The following LIMK2 variants were observed in gnomAD, a reference collection of about 807,000 sequenced individuals.
The protein encoded by LIMK2 is LIM domain kinase 2.
A neutral mutation model predicts 75.7 loss-of-function variants in LIMK2; 35 were observed. The ratio of observed to expected loss-of-function variants is 0.46; its 90% CI spans 0.35 to 0.61. LIMK2 has a LOEUF of 0.61. LIMK2 is among the 20% of genes least tolerant of loss of function. The pLI is 0.00. For synonymous variants in LIMK2, 301 were observed against 319.2 expected, an observed-to-expected ratio of 0.94 and a Z score of 0.61; for missense variants, 623 against 831.0, an observed-to-expected ratio of 0.75 and a Z score of 3.08.
chr22:31,246,112 G>A (rs905423469), intron 2 of LIMK2, among the ~76,000 whole-genome samples: 4 of 151,294 alleles, frequency 2.6e-5, no homozygotes, highest in South Asian at 4.2e-4. Flanking sequence ...GGCGGAGGTT[G>A]CAGTGAGCCA....
intron 1 of LIMK2, among the ~76,000 whole-genome samples, chr22:31,214,985 C>T (rs2123757890): frequency 6.6e-6 from 1 of 152,192 alleles, no homozygotes; most frequent in South Asian, 2.1e-4. Flanking sequence ...TTATTAGAGA[C>T]GGGGTCTTAC....
intron 14 of LIMK2, among the ~76,000 whole-genome samples, chr22:31,273,734 G>A (rs976132301): frequency 6.6e-6 from 1 of 152,190 alleles, no homozygotes; most frequent in Non-Finnish European, 1.5e-5. Flanking sequence ...GCCTCACTTC[G>A]TTGCCCAGGC....
chr22:31,228,368 G>A lies in LIMK2; in HGVS notation c.116+2549G>A, dbSNP rs764931380. Among the ~76,000 whole-genome samples, 26 of 152,042 alleles carry A rather than the reference G, an allele frequency of 1.7e-4. 1 individual carries two copies. Among genetic ancestry groups the A allele is most frequent in the Admixed American group, 9.2e-4 (14 of 15,264 alleles). ...CGGGAAGCAGAAGTTGCAGTGAGCC[G>A]AGATTGTGCCATTACAGTCTAGCCT... On this transcript the variant is annotated intron_variant, in intron 2 of 15. Transcript: ENST00000331728.
At chr22:31,264,651 G>A (rs1333354316) in intron 7 of LIMK2, among the ~76,000 whole-genome samples, 3 of 152,166 alleles carry the variant, frequency 2.0e-5, no homozygotes, top group Non-Finnish European at 4.4e-5. Flanking sequence ...GGCCAGGCAC[G>A]GTGGCTCACG....
At chr22:31,255,074 A>G (rs1397898538) in intron 2 of LIMK2, among the ~76,000 whole-genome samples, 1 of 152,266 alleles carries the variant, frequency 6.6e-6, no homozygotes, top group African/African-American at 2.4e-5. Flanking sequence ...TAGGTGGTAA[A>G]TGGTGGTGCT....
At chr22:31,246,160 G>A (rs1182365551) in intron 2 of LIMK2, among the ~76,000 whole-genome samples, 1 of 119,106 alleles carries the variant, frequency 8.4e-6, no homozygotes, top group African/African-American at 2.7e-5. Flanking sequence ...GCAACAGAGC[G>A]AGACTCCGAC....
At chr22:31,251,212 G>A (rs2048722541) in intron 2 of LIMK2, among the ~76,000 whole-genome samples, 1 of 152,162 alleles carries the variant, frequency 6.6e-6, no homozygotes, top group Non-Finnish European at 1.5e-5. Context: ...CATCTTTAAA[G>A]CATTTTTCTT....
At chr22:31,217,439 T>A (rs2048397960) in intron 1 of LIMK2, among the ~76,000 whole-genome samples, 1 of 152,034 alleles carries the variant, frequency 6.6e-6, no homozygotes, top group African/African-American at 2.4e-5. Context: ...AGACCTGTGG[T>A]CTAATCCCAG....
chr22:31,256,213 G>A (rs538984289), intron 2 of LIMK2, among the ~76,000 whole-genome samples: 74 of 149,914 alleles, frequency 4.9e-4, no homozygotes, highest in Non-Finnish European at 9.5e-4. Flanking sequence ...TGGCCAGGCT[G>A]GTCTTGAACT....
intron 11 of LIMK2, among the ~76,000 whole-genome samples, chr22:31,269,413 C>A (rs1032688422): frequency 1.3e-5 from 2 of 150,626 alleles, no homozygotes; most frequent in Non-Finnish European, 2.9e-5. Context: ...CAGTTGTGAG[C>A]CACCATGCCC....
intron 3 of LIMK2, chr22:31,258,911 T>C: frequency 1.9e-6 from 1 of 519,084 alleles, no homozygotes; most frequent in Non-Finnish European, 3.5e-6. Flanking sequence ...TTCTCATAAC[T>C]GAGACCAAAA....
chr22:31,251,157 T>C (rs1029348057), intron 2 of LIMK2, among the ~76,000 whole-genome samples: 5 of 152,204 alleles, frequency 3.3e-5, no homozygotes, highest in African/African-American at 2.4e-5. Flanking sequence ...ATACCTCAAA[T>C]TGGAATTTAC....
chr22:31,215,607 G>A (rs1042122206), intron 1 of LIMK2, among the ~76,000 whole-genome samples: 11 of 152,172 alleles, frequency 7.2e-5, no homozygotes, highest in African/African-American at 2.2e-4. Context: ...TGCTTAAGAC[G>A]TACAGGGTCT....
intron 2 of LIMK2, among the ~76,000 whole-genome samples, chr22:31,257,055 T>A (rs1284565105): frequency 1.3e-5 from 1 of 75,722 alleles, no homozygotes; most frequent in African/African-American, 1.0e-4. Context: ...TTTTTTTTTT[T>A]TTTTTTTTTT....
intron 7 of LIMK2, among the ~76,000 whole-genome samples, chr22:31,263,985 G>C (rs765984650): frequency 9.2e-5 from 14 of 151,830 alleles, no homozygotes; most frequent in Admixed American, 2.6e-4. Flanking sequence ...GTGAGACCTT[G>C]TCTCCAAAAA....
At chr22:31,215,321 G>C (rs575025099) in intron 1 of LIMK2, among the ~76,000 whole-genome samples, 1 of 152,368 alleles carries the variant, frequency 6.6e-6, no homozygotes, top group South Asian at 2.1e-4. Flanking sequence ...AGACACCTCA[G>C]ATTCCTCGTG....
rs146488213 is a variant in LIMK2 at position 31,215,506 on chromosome 22, A to G, written c.16+3082A>G. On this transcript the variant is annotated intron_variant, in intron 1 of 15. Coordinates refer to ENST00000331728, the MANE Select transcript of LIMK2 (RefSeq NM_005569.4). ...CCTATGAAGAAACTGAGGCTCAGGG[A>G]AAAAAAACGGAGTTGTCCAGGGTCA... 6.1e-3 allele frequency among the ~76,000 whole-genome samples: 924 copies of G among 151,988 alleles called. 12 individuals are homozygous for G. Among genetic ancestry groups the G allele is most frequent in the African/African-American group, 0.021 (862 of 41,446 alleles).
intron 15 of LIMK2, among the ~76,000 whole-genome samples, chr22:31,277,983 C>CT (rs2049049396): frequency 6.6e-6 from 1 of 152,258 alleles, no homozygotes; most frequent in African/African-American, 2.4e-5. Context: ...ATTTCCGTGG[C>CT]ACTAGGAGCC....
intron 1 of LIMK2, among the ~76,000 whole-genome samples, chr22:31,220,192 T>C (rs2048422119): frequency 6.6e-6 from 1 of 152,200 alleles, no homozygotes. Context: ...CGTAGGAGGC[T>C]GTGTGCTTTG....
Sources: allele counts gnomAD v4.1 joint callset (sites outside exome capture counted in the v4.1 genomes callset), GRCh38; gene constraint gnomAD v4.1.1; transcripts MANE v1.5; gene names NCBI Gene and HGNC (gene_info 2026-07-23, HGNC 2026-07-21).